The following KIT variants were observed in gnomAD, a reference collection of about 807,000 sequenced individuals.
KIT encodes mast/stem cell growth factor receptor Kit.
A neutral mutation model predicts 105.7 loss-of-function variants in KIT; 16 were observed. That is an observed-to-expected ratio of 0.15 (90% CI 0.10 to 0.23). The LOEUF is 0.23. Ranked by LOEUF, KIT falls within the 10% of genes least tolerant of loss-of-function variation. KIT has a pLI of 1.00. For missense variants in KIT, 858 were observed against 1,213.8 expected (o/e 0.71, Z 4.36); for synonymous variants, 438 against 441.1 (o/e 0.99, Z 0.09).
rs1704620904 is a variant in KIT at position 54,670,647 on chromosome 4, G to T, written c.67+12566G>T. Reference sequence around the variant, plus strand: ...CCTGGTTCCTGCTCCCTTTTCTCCCGCAAAGTGAGTCACAGAAACCAGAAT... The same window carrying T: ...CCTGGTTCCTGCTCCCTTTTCTCCCTCAAAGTGAGTCACAGAAACCAGAAT... On this transcript the variant is annotated intron_variant, in intron 1 of 20. Coordinates refer to ENST00000288135, the MANE Select transcript of KIT (RefSeq NM_000222.3). 2.0e-5 allele frequency among the ~76,000 whole-genome samples: 3 copies of T among 152,202 alleles called. 1 individual carries two copies. The highest frequency in any genetic ancestry group is 3.4e-3 in the Middle Eastern group (1 of 294).
chr4:54,699,454 T>C (rs1200699850), intron 3 of KIT, among the ~76,000 whole-genome samples, 176 bp from the exon 4 acceptor site: 1 of 152,208 alleles, frequency 6.6e-6, no homozygotes, highest in Non-Finnish European at 1.5e-5. Flanking sequence ...GAAGGATGCT[T>C]GATTTAATTG....
intron 4 of KIT, among the ~76,000 whole-genome samples, chr4:54,700,459 G>GGCATAT (rs1720384944): frequency 1.3e-5 from 2 of 152,122 alleles, no homozygotes; most frequent in Non-Finnish European, 2.9e-5. Context: ...ATAAATTTTA[G>GGCATAT]CTAGTTACTG....
rs1477833485 is a variant in KIT, at chr4:54,728,135, C to G, written c.1990+14C>G. On this transcript the variant is annotated intron_variant, in intron 13 of 20. Coordinates refer to ENST00000288135, the MANE Select transcript of KIT (RefSeq NM_000222.3). ...GCACCATTGGAGGTAAAGCCGTGTC[C>G]AAGCTGCCTTTTATTGTCTGTCAGG... 1 of 1,554,506 alleles carries G rather than the reference C, an allele frequency of 6.4e-7. No individual in the cohort carries two copies. Among genetic ancestry groups the G allele is most frequent in the South Asian group, 1.1e-5 (1 of 89,856 alleles).
At chr4:54,722,875 T>G (rs1721977590) in intron 7 of KIT, among the ~76,000 whole-genome samples, 1 of 138,718 alleles carries the variant, frequency 7.2e-6, no homozygotes, top group African/African-American at 3.0e-5. Context: ...GTATATATAT[T>G]TATATATATG....
At position 54,698,490 on chromosome 4, in the gene KIT, C is replaced by T. The variant is rs1720234665; in HGVS notation, c.544C>T (p.Leu182Phe). 6.2e-7 allele frequency: 1 copy of T among 1,614,210 alleles called. No individual in the cohort carries two copies. The highest frequency in any genetic ancestry group is 8.5e-7 in the Non-Finnish European group (1 of 1,180,038). ...AAGTGTGAAACGCGCCTACCATCGG[C>T]TCTGTCTGCATTGTTCTGTGGACCA... ...IKSVKRAYHR[L>F]CLHCSVDQEG... Residue 182 changes from leucine (L) to phenylalanine (F), a missense_variant, in exon 3 of 21, where the codon CTC becomes TTC. Leu to Phe is a conservative substitution (Grantham distance 22). Transcript: ENST00000288135.
At chr4:54,674,999 C>T (rs10461354) in intron 1 of KIT, among the ~76,000 whole-genome samples, 12,523 of 151,506 alleles carry the variant, frequency 0.083, 627 homozygotes, top group African/African-American at 0.15. Context: ...GGTGTATTTT[C>T]CTCTGATTTT....
At chr4:54,696,175 C>T (rs919165805) in intron 2 of KIT, among the ~76,000 whole-genome samples, 5 of 151,832 alleles carry the variant, frequency 3.3e-5, no homozygotes, top group Admixed American at 1.3e-4. Context: ...CTAACCAGAC[C>T]GACACTTCGA....
intron 1 of KIT, among the ~76,000 whole-genome samples, chr4:54,691,681 ATTG>A (rs1476709781): frequency 1.3e-5 from 2 of 151,762 alleles, no homozygotes; most frequent in Non-Finnish European, 2.9e-5. Flanking sequence ...TGGGGATGGA[ATTG>A]TTAAAAGGAT....
intron 7 of KIT, among the ~76,000 whole-genome samples, chr4:54,715,618 A>G (rs1721439230): frequency 6.6e-6 from 1 of 152,026 alleles, no homozygotes; most frequent in Non-Finnish European, 1.5e-5. Context: ...GTGAGGAGTC[A>G]CTCATTACCT....
In KIT at chr4:54,699,626, C is replaced by G. The variant is rs773216281; in HGVS notation, c.620-4C>G. ...TTGAGGGGCCACATTTCTTTTCATT[C>G]TAGCCTTCAAAGCTGTGCCTGTTGT... On this transcript the variant is annotated splice_region_variant and splice_polypyrimidine_tract_variant and intron_variant, in intron 3 of 20. Transcript: ENST00000288135. 1.2e-6 allele frequency: 2 copies of G among 1,613,870 alleles called. No individual in the cohort carries two copies. Among genetic ancestry groups the G allele is most frequent in the Admixed American group, 3.3e-5 (2 of 60,018 alleles).
intron 4 of KIT, among the ~76,000 whole-genome samples, chr4:54,702,547 A>G (rs773346856): frequency 8.6e-5 from 13 of 152,024 alleles, no homozygotes; most frequent in South Asian, 6.2e-4. Flanking sequence ...TCCCCTATGC[A>G]TATGTATTAT....
chr4:54,670,445 A>C (rs1293944784), intron 1 of KIT, among the ~76,000 whole-genome samples: 1 of 152,170 alleles, frequency 6.6e-6, no homozygotes, highest in Non-Finnish European at 1.5e-5. Context: ...TTTGCTATAA[A>C]GTCCTGTGAA....
chr4:54,681,390 T>A (rs1384158167), intron 1 of KIT, among the ~76,000 whole-genome samples: 1 of 152,144 alleles, frequency 6.6e-6, no homozygotes, highest in Non-Finnish European at 1.5e-5. Context: ...ATATTTTGCT[T>A]GTCACATCCA....
rs1169261874 is a variant in KIT, at chr4:54,736,483, G to A, written c.2485-15G>A. 6.5e-7 allele frequency: 1 copy of A among 1,547,920 alleles called. No individual in the cohort carries two copies. The highest frequency in any genetic ancestry group is 2.2e-5 in the East Asian group (1 of 44,574). ...CTGAATTAACATTATTGACTCTGTT[G>A]TGCTTCTATTACAGGCTCGACTACC... On this transcript the variant is annotated splice_polypyrimidine_tract_variant and intron_variant, in intron 17 of 20. Transcript: ENST00000288135.
At chr4:54,667,598 G>A (rs1385402567) in intron 1 of KIT, among the ~76,000 whole-genome samples, 2 of 152,178 alleles carry the variant, frequency 1.3e-5, no homozygotes, top group Non-Finnish European at 2.9e-5. Flanking sequence ...GAAAAGCAAA[G>A]GTTAGAGTTA....
In KIT at chr4:54,695,763, A is replaced by G. The variant is rs749024557; in HGVS notation, c.319A>G (p.Ile107Val). 1.2e-6 allele frequency: 2 copies of G among 1,614,202 alleles called. No individual in the cohort carries two copies. The highest frequency in any genetic ancestry group is 1.1e-5 in the South Asian group (1 of 91,080). Residue 107 changes from isoleucine (I) to valine (V), a missense_variant, in exon 2 of 21, where the codon ATT becomes GTT. Physicochemically the swap from Ile to Val is conservative, Grantham distance 29 (BLOSUM62 3). Transcript: ENST00000288135. ...CTNKHGLSNSIYVFVRDPAKL... is the reference protein window; with the variant it reads ...CTNKHGLSNSVYVFVRDPAKL... ...CAACAAACACGGCTTAAGCAATTCCATTTATGTGTTTGTTAGAGGTAAATG... is the reference window on the plus strand; with the variant it reads ...CAACAAACACGGCTTAAGCAATTCCGTTTATGTGTTTGTTAGAGGTAAATG...
At chr4:54,736,115 T>C (rs753005444) in intron 17 of KIT, among the ~76,000 whole-genome samples, 3 of 152,242 alleles carry the variant, frequency 2.0e-5, no homozygotes, top group African/African-American at 7.2e-5. Flanking sequence ...GGAAATGTAG[T>C]CCTAATTGTG....
intron 1 of KIT, among the ~76,000 whole-genome samples, chr4:54,691,652 T>A (rs1424169790): frequency 6.6e-6 from 1 of 152,126 alleles, no homozygotes; most frequent in African/African-American, 2.4e-5. Flanking sequence ...TGCTGCTGCC[T>A]CTGTTGTGGT....
chr4:54,680,100 A>G (rs569139751), intron 1 of KIT, among the ~76,000 whole-genome samples: 3 of 152,328 alleles, frequency 2.0e-5, no homozygotes, highest in South Asian at 2.1e-4. Context: ...CCGTACAACA[A>G]TGTGAATGTA....
Sources: allele counts gnomAD v4.1 joint callset (sites outside exome capture counted in the v4.1 genomes callset), GRCh38; gene constraint gnomAD v4.1.1; transcripts MANE v1.5; gene names NCBI Gene and HGNC (gene_info 2026-07-23, HGNC 2026-07-21).